Variants in ERC2 observed in about 807,000 individuals in gnomAD.
The protein encoded by ERC2 is ELKS/RAB6-interacting/CAST family member 2.
A neutral mutation model predicts 114.8 loss-of-function variants in ERC2; 42 were observed. That is an observed-to-expected ratio of 0.37 (90% CI 0.29 to 0.47). The LOEUF (loss-of-function observed/expected upper bound fraction) is 0.47. Among genes scored for constraint, ERC2 ranks in the 20% least tolerant of loss-of-function variants. The pLI is 0.99. For synonymous variants in ERC2, 454 were observed against 425.5 expected, an observed-to-expected ratio of 1.07 and a Z score of -0.82; for missense variants, 939 against 1,150.7, an observed-to-expected ratio of 0.82 and a Z score of 2.66.
In ERC2 at chr3:56,050,792, T is replaced by A. The variant is rs752633341; in HGVS notation, c.1641+30025A>T. 1.4e-4 allele frequency among the ~76,000 whole-genome samples: 21 copies of A among 152,188 alleles called. 1 individual carries two copies. Among genetic ancestry groups the A allele is most frequent in the South Asian group, 4.1e-4 (2 of 4,826 alleles). On this transcript the variant is annotated intron_variant, in intron 7 of 17. Transcript: ENST00000288221. Reference sequence around the variant, plus strand: ...AATTTTCCATTAAGCCAAAGCTCCATGGGGGCAAGGACTCCATCTCTCTCA... The same window carrying A: ...AATTTTCCATTAAGCCAAAGCTCCAAGGGGGCAAGGACTCCATCTCTCTCA...
At chr3:55,615,126 G>C (rs2059071546) in intron 17 of ERC2, among the ~76,000 whole-genome samples, 2 of 152,204 alleles carry the variant, frequency 1.3e-5, no homozygotes, top group Non-Finnish European at 1.5e-5. Flanking sequence ...CTTGGTCCTT[G>C]AAACAGCAAG....
In ERC2 at chr3:55,558,109, A is replaced by G. The variant is rs536315148; in HGVS notation, c.*40-46833T>C. On this transcript the variant is annotated intron_variant, in intron 17 of 17. Transcript: ENST00000288221. ...CACTGAATGAACATGAGCTACCATC[A>G]TATGATTTCAGAGCAACTTGTCCTG... Among the ~76,000 whole-genome samples the G allele has an allele frequency of 7.2e-5, 11 of 152,332 alleles. No individual in the cohort carries two copies. In the South Asian group the frequency reaches 1.9e-3, roughly 26 times the overall value.
At chr3:55,804,508 G>A (rs1227873178) in intron 14 of ERC2, among the ~76,000 whole-genome samples, 2 of 152,142 alleles carry the variant, frequency 1.3e-5, no homozygotes, top group South Asian at 2.1e-4. Flanking sequence ...AAACAACTAG[G>A]TATCCCTGTT....
intron 2 of ERC2, among the ~76,000 whole-genome samples, chr3:56,333,126 A>G (rs1417308338): frequency 6.6e-6 from 1 of 152,240 alleles, no homozygotes; most frequent in Non-Finnish European, 1.5e-5. Context: ...ACTACGGCTA[A>G]CTGTCAGAGA....
chr3:55,927,671 G>A (rs563095886), intron 13 of ERC2, among the ~76,000 whole-genome samples: 1 of 152,012 alleles, frequency 6.6e-6, no homozygotes, highest in African/African-American at 2.4e-5. Flanking sequence ...ATCCTGTCGT[G>A]TTATCAAATA....
At chr3:55,923,917 C>T (rs1049670389) in intron 13 of ERC2, among the ~76,000 whole-genome samples, 2 of 152,114 alleles carry the variant, frequency 1.3e-5, no homozygotes, top group African/African-American at 4.8e-5. Context: ...TTAATCAGAG[C>T]TGTCTCCCAA....
intron 7 of ERC2, among the ~76,000 whole-genome samples, chr3:56,029,198 G>A (rs1221534930): frequency 6.6e-6 from 1 of 151,974 alleles, no homozygotes; most frequent in Non-Finnish European, 1.5e-5. Flanking sequence ...TTTGATTTAT[G>A]TAATATTTTG....
intron 7 of ERC2, among the ~76,000 whole-genome samples, chr3:56,036,128 A>C (rs1372934635): frequency 2.0e-5 from 3 of 152,238 alleles, no homozygotes; most frequent in African/African-American, 7.2e-5. Context: ...ATCCCAATAG[A>C]TGCAGAAAAA....
At chr3:56,050,499 T>C (rs372282913) in intron 7 of ERC2, among the ~76,000 whole-genome samples, 1 of 152,152 alleles carries the variant, frequency 6.6e-6, no homozygotes, top group African/African-American at 2.4e-5. Flanking sequence ...CCCTTAGCCC[T>C]GCCTAATTCG....
chr3:56,126,080 T>C (rs777725999), intron 6 of ERC2, among the ~76,000 whole-genome samples: 2 of 152,174 alleles, frequency 1.3e-5, no homozygotes, highest in Non-Finnish European at 2.9e-5. Context: ...TCCCTCCCCA[T>C]CCCCCTGATT....
intron 14 of ERC2, among the ~76,000 whole-genome samples, chr3:55,816,029 A>T (rs1177817067): frequency 6.6e-6 from 1 of 152,194 alleles, no homozygotes; most frequent in Non-Finnish European, 1.5e-5. Flanking sequence ...GCTCCCAGGG[A>T]CTTTAACTCT....
intron 13 of ERC2, among the ~76,000 whole-genome samples, chr3:55,933,189 A>G (rs1274042008): frequency 6.8e-6 from 1 of 146,928 alleles, no homozygotes; most frequent in Admixed American, 7.0e-5. Context: ...AACCTGGGTG[A>G]AAGAGCAAGA....
chr3:55,889,607 G>A lies in ERC2; in HGVS notation c.2404-1058C>T, dbSNP rs1013758355. ...AAAGAAGGCTGGTGTTTATGGTTCC[G>A]TTCCAAAGACTTCCGTGGAGCAAGC... On this transcript the variant is annotated intron_variant, in intron 13 of 17. Transcript: ENST00000288221. Among the ~76,000 whole-genome samples the A allele has an allele frequency of 9.9e-5, 15 of 152,120 alleles. No homozygotes were observed. In the South Asian group the frequency reaches 1.2e-3, roughly 13 times the overall value.
intron 3 of ERC2, among the ~76,000 whole-genome samples, chr3:56,175,092 T>C (rs1453655936): frequency 6.6e-6 from 1 of 152,132 alleles, no homozygotes; most frequent in Non-Finnish European, 1.5e-5. Flanking sequence ...TTTGCCCACA[T>C]CCTATTATGC....
intron 2 of ERC2, among the ~76,000 whole-genome samples, chr3:56,388,896 A>G (rs2060030716): frequency 6.6e-6 from 1 of 152,182 alleles, no homozygotes; most frequent in South Asian, 2.1e-4. Context: ...CACACAAGGG[A>G]GCAGGAATGT....
chr3:56,315,821 A>C (rs2056837055), intron 2 of ERC2, among the ~76,000 whole-genome samples: 1 of 152,014 alleles, frequency 6.6e-6, no homozygotes, highest in Non-Finnish European at 1.5e-5. Flanking sequence ...TCCAACAGGG[A>C]TATAAAGAAA....
Position 55,952,179 on chromosome 3 carries a change from A to ATATATAT in ERC2, c.2268-1620_2268-1619insATATATA, listed in dbSNP as rs2067608452. On this transcript the variant is annotated intron_variant, in intron 12 of 17. Coordinates refer to ENST00000288221, the MANE Select transcript of ERC2 (RefSeq NM_015576.3). ...CACACACACACACACACACACACAC[A>ATATATAT]CTCTCTCTCTCTCTCTCTCTATATA... Among the ~76,000 whole-genome samples the ATATATAT allele has an allele frequency of 2.7e-4, 17 of 62,110 alleles. No individual in the cohort carries two copies. In the East Asian group the frequency reaches 6.7e-3, roughly 24 times the overall value. 40.7% of individuals were successfully genotyped at this position (62,110 alleles called of 152,430 possible). A position where few individuals can be genotyped will look rare whatever the true frequency, so the allele number is the denominator to read the frequency against.
At chr3:56,320,228 C>T (rs1388972997) in intron 2 of ERC2, among the ~76,000 whole-genome samples, 1 of 152,146 alleles carries the variant, frequency 6.6e-6, no homozygotes, top group Non-Finnish European at 1.5e-5. Context: ...AGAGAAGAAA[C>T]AGGTTAACTA....
intron 3 of ERC2, among the ~76,000 whole-genome samples, chr3:56,263,290 C>T (rs1023213898): frequency 2.0e-5 from 3 of 148,090 alleles, no homozygotes; most frequent in African/African-American, 7.5e-5. Flanking sequence ...AGCAACTGTC[C>T]ATGAAAAAAA....
Sources: allele counts gnomAD v4.1 joint callset (sites outside exome capture counted in the v4.1 genomes callset), GRCh38; gene constraint gnomAD v4.1.1; transcripts MANE v1.5; gene names NCBI Gene and HGNC (gene_info 2026-07-23, HGNC 2026-07-21).